The following MYO3A variants were observed in gnomAD, a reference collection of about 807,000 sequenced individuals.
MYO3A encodes myosin IIIA.
Under a neutral mutation model 192.7 loss-of-function variants are expected in MYO3A, and 180 were observed. The ratio of observed to expected loss-of-function variants is 0.93; its 90% CI spans 0.83 to 1.06. The LOEUF (loss-of-function observed/expected upper bound fraction) is 1.06, where lower values mean the gene tolerates loss of function less well. Ranked by LOEUF, MYO3A falls within the 50% of genes least tolerant of loss-of-function variation. The pLI is 0.00. For missense variants in MYO3A, 1,896 were observed against 1,905.0 expected (o/e 1.00, Z 0.09); for synonymous variants, 628 against 645.3 (o/e 0.97, Z 0.41).
intron 7 of MYO3A, among the ~76,000 whole-genome samples, chr10:26,019,217 C>T (rs537998743): frequency 8.6e-5 from 12 of 139,508 alleles, no homozygotes; most frequent in South Asian, 7.0e-4. Context: ...TCTGGTTATT[C>T]TATTTATTTA....
At chr10:25,945,621 C>T (rs926846726) in intron 2 of MYO3A, among the ~76,000 whole-genome samples, 1 of 151,976 alleles carries the variant, frequency 6.6e-6, no homozygotes, top group African/African-American at 2.4e-5. Flanking sequence ...TTCTTTGTCT[C>T]TTGTAAAAGT....
At chr10:26,026,801 AAGCGATTCTCCTGCCTC>A (rs917555396) in intron 10 of MYO3A, among the ~76,000 whole-genome samples, 27 of 152,176 alleles carry the variant, frequency 1.8e-4, no homozygotes, top group African/African-American at 6.3e-4. Context: ...TCCCGGGTTC[AAGCGATTCTCCTGCCTC>A]AGCCTCCCTA....
intron 10 of MYO3A, among the ~76,000 whole-genome samples, chr10:26,057,673 G>A (rs907043459): frequency 2.0e-5 from 3 of 152,176 alleles, no homozygotes; most frequent in African/African-American, 7.2e-5. Context: ...TTTCAGTCGT[G>A]AGTTTTGTGA....
Position 25,954,918 on chromosome 10 carries a change from A to T in MYO3A, c.213A>T (p.Ala71=). 1.2e-6 allele frequency: 2 copies of T among 1,612,494 alleles called. No individual in the cohort carries two copies. The highest frequency in any genetic ancestry group is 2.7e-5 in the African/African-American group (2 of 74,958). ...EIEAEYNILK[A]LSDHPNVVRF... ...AAGCAGAATATAACATCTTAAAAGC[A>T]CTTTCTGACCACCCTAATGTGGTCA... Residue 71 remains alanine, a synonymous_variant, in exon 4 of 35, where the codon GCA becomes GCT. Coordinates refer to ENST00000642920, the MANE Select transcript of MYO3A (RefSeq NM_017433.5).
intron 4 of MYO3A, among the ~76,000 whole-genome samples, chr10:25,980,098 G>T (rs146191648): frequency 6.6e-6 from 1 of 151,972 alleles, no homozygotes; most frequent in Non-Finnish European, 1.5e-5. Flanking sequence ...TTAGCCAGGC[G>T]TGGTGGCAGG....
chr10:26,024,420 A>G (rs1374246048), intron 9 of MYO3A, among the ~76,000 whole-genome samples: 3 of 152,102 alleles, frequency 2.0e-5, no homozygotes, highest in South Asian at 4.1e-4. Context: ...TTCTTTATCC[A>G]TCTTTATCCT....
intron 12 of MYO3A, among the ~76,000 whole-genome samples, chr10:26,069,713 G>A (rs966036927): frequency 2.0e-5 from 3 of 151,876 alleles, no homozygotes; most frequent in African/African-American, 7.2e-5. Context: ...GACGTGAAAG[G>A]AAAAAAGTGG....
At chr10:26,099,042 G>A (rs1490327249) in intron 17 of MYO3A, among the ~76,000 whole-genome samples, 1 of 152,194 alleles carries the variant, frequency 6.6e-6, no homozygotes, top group Non-Finnish European at 1.5e-5. Flanking sequence ...TCCTATCCAT[G>A]AGTATGGAAT....
chr10:25,967,414 C>T (rs1411618067), intron 4 of MYO3A, among the ~76,000 whole-genome samples: 2 of 152,202 alleles, frequency 1.3e-5, no homozygotes, highest in Non-Finnish European at 2.9e-5. Flanking sequence ...AAGGACTAAA[C>T]TAGCCCTAGA....
intron 10 of MYO3A, among the ~76,000 whole-genome samples, chr10:26,061,329 T>G (rs936204940): frequency 3.3e-5 from 5 of 152,216 alleles, no homozygotes; most frequent in Admixed American, 3.3e-4. Flanking sequence ...ACAATGAACA[T>G]GTATAGACTT....
At chr10:26,041,181 T>C (rs998836132) in intron 10 of MYO3A, among the ~76,000 whole-genome samples, 5 of 152,112 alleles carry the variant, frequency 3.3e-5, no homozygotes, top group African/African-American at 1.2e-4. Flanking sequence ...TGTCTTGAAA[T>C]CTATTTTGTC....
intron 31 of MYO3A, among the ~76,000 whole-genome samples, chr10:26,183,029 C>T (rs956219223): frequency 1.3e-5 from 2 of 152,088 alleles, no homozygotes; most frequent in African/African-American, 2.4e-5. Flanking sequence ...GTAATCCATG[C>T]GAGATGACAG....
Position 26,212,103 on chromosome 10 carries a change from G to C in MYO3A, c.*140G>C. 2 of 1,288,974 alleles carry C rather than the reference G, an allele frequency of 1.6e-6. No homozygotes were observed. Among genetic ancestry groups the C allele is most frequent in the South Asian group, 3.5e-5 (2 of 57,624 alleles). 79.8% of individuals were successfully genotyped at this position (1,288,974 alleles called of 1,614,324 possible). ...TCCGCAGAGGCTGCCTGCTGCGCTC[G>C]GCCCTCAAGTGCCCGGGCCGGCCTT... is the stretch of plus-strand genomic sequence containing the variant. On this transcript the variant is annotated 3_prime_UTR_variant, in exon 35 of 35. Transcript: ENST00000642920.
chr10:26,158,120 C>T (rs1841256853), intron 26 of MYO3A, among the ~76,000 whole-genome samples: 1 of 152,046 alleles, frequency 6.6e-6, no homozygotes, highest in Non-Finnish European at 1.5e-5. Context: ...CTGATAGGAT[C>T]CTTATAATGA....
chr10:26,081,430 C>T (rs190509805), intron 14 of MYO3A, among the ~76,000 whole-genome samples: 45 of 152,152 alleles, frequency 3.0e-4, no homozygotes, highest in African/African-American at 9.9e-4. Context: ...GCAACAACTC[C>T]GAGTCCATTT....
At chr10:25,945,768 C>A (rs1019060572) in intron 2 of MYO3A, among the ~76,000 whole-genome samples, 4 of 152,056 alleles carry the variant, frequency 2.6e-5, no homozygotes, top group Non-Finnish European at 4.4e-5. Context: ...GAAGAACTTA[C>A]CATTATCATT....
At position 26,065,553 on chromosome 10, in the gene MYO3A, C is replaced by G. The variant is rs191321370; in HGVS notation, c.954-1422C>G. Among the ~76,000 whole-genome samples the G allele has an allele frequency of 2.0e-4, 26 of 131,326 alleles. No individual in the cohort carries two copies. The Admixed American group carries it at 2.1e-3, about 10-fold the overall frequency. The allele number at this position is 131,326 out of a possible 152,430, so 86.2% of individuals were successfully genotyped here. A position where few individuals can be genotyped will look rare whatever the true frequency, so the allele number is the denominator to read the frequency against. On this transcript the variant is annotated intron_variant, in intron 10 of 34. Transcript: ENST00000642920. ...TGAGCTGAGATCACGCCACAGCATT[C>G]CAGCCTGGGTGACAGAGCGAGACTC...
intron 4 of MYO3A, among the ~76,000 whole-genome samples, 172 bp from the exon 5 acceptor site, chr10:25,996,318 C>T (rs1312388725): frequency 1.3e-5 from 2 of 152,144 alleles, no homozygotes; most frequent in Non-Finnish European, 2.9e-5. Context: ...ATTAATTTTA[C>T]ACAAGTCTAA....
At position 26,061,902 on chromosome 10, in the gene MYO3A, T is replaced by C. The variant is rs567765227; in HGVS notation, c.954-5073T>C. Among the ~76,000 whole-genome samples, 5 of 152,304 alleles carry C rather than the reference T, an allele frequency of 3.3e-5. No individual in the cohort carries two copies. The South Asian group carries it at 8.3e-4, about 25-fold the overall frequency. ...CAATTAAATGGATAATTGGATTTCT[T>C]CCTCTTTTGTCTTAAAAAGAATATA... On this transcript the variant is annotated intron_variant, in intron 10 of 34. Transcript: ENST00000642920.
Sources: allele counts gnomAD v4.1 joint callset (sites outside exome capture counted in the v4.1 genomes callset), GRCh38; gene constraint gnomAD v4.1.1; transcripts MANE v1.5; gene names NCBI Gene and HGNC (gene_info 2026-07-23, HGNC 2026-07-21).